UTP6: variants seen among roughly 807,000 people sequenced by gnomAD.
UTP6 encodes UTP6 small subunit processome component.
In UTP6, 60 loss-of-function variants were observed where a neutral mutation model predicts 96.5. The observed-to-expected ratio is 0.62, with a 90% CI of 0.51 to 0.77. UTP6 has a LOEUF of 0.77. UTP6 is among the 30% of genes least tolerant of loss of function. UTP6 has a pLI of 0.00. For synonymous variants in UTP6, 215 were observed against 240.1 expected (o/e 0.90, Z 0.96); for missense variants, 637 against 706.5 (o/e 0.90, Z 1.12).
intron 2 of UTP6, among the ~76,000 whole-genome samples, chr17:31,896,847 G>A (rs1224897373): frequency 6.6e-6 from 1 of 152,064 alleles, no homozygotes; most frequent in Non-Finnish European, 1.5e-5. Context: ...TGTTGCCTAG[G>A]CTGGTCTTGA....
intron 2 of UTP6, among the ~76,000 whole-genome samples, chr17:31,898,627 G>A (rs907237656): frequency 1.3e-5 from 2 of 152,128 alleles, no homozygotes; most frequent in South Asian, 2.1e-4. Context: ...GAACCCAGGA[G>A]GCGGAGGTTG....
chr17:31,878,584 G>T, intron 12 of UTP6, 118 bp downstream of exon 12: 1 of 999,198 alleles, frequency 1.0e-6, no homozygotes, highest in Non-Finnish European at 1.5e-6. Context: ...AGGAGAGAGA[G>T]AGTGGCTAAA....
At chr17:31,874,931 T>TAA (rs11341659) in intron 14 of UTP6, among the ~76,000 whole-genome samples, 1 of 133,958 alleles carries the variant, frequency 7.5e-6, no homozygotes, top group Non-Finnish European at 1.6e-5. Flanking sequence ...GACTCCATCT[T>TAA]AAAAAAAAAA....
At position 31,886,331 on chromosome 17, in the gene UTP6, C is replaced by T. The variant is rs145438664; in HGVS notation, c.622-270G>A. ...TTGGACCAAAACAGGTCAGATTTTA[C>T]ATGTCTTGTTTGCGCTTCTCTGTAA... On this transcript the variant is annotated intron_variant, in intron 8 of 18. Coordinates refer to ENST00000261708, the MANE Select transcript of UTP6 (RefSeq NM_018428.3). 1.4e-3 allele frequency among the ~76,000 whole-genome samples: 218 copies of T among 152,306 alleles called. 1 individual carries two copies. Among genetic ancestry groups the T allele is most frequent in the Middle Eastern group, 6.8e-3 (2 of 294 alleles).
At position 31,863,425 on chromosome 17, in the gene UTP6, C is replaced by T; in HGVS notation, c.1728G>A (p.Met576Ile). The change falls in exon 19 of 19, where the codon ATG becomes ATA. Residue 576 changes from methionine to isoleucine, a missense_variant. By Grantham distance (10) the Met-to-Ile change is conservative. Coordinates refer to ENST00000261708, the MANE Select transcript of UTP6 (RefSeq NM_018428.3). Reference protein sequence around the residue: ...CGQIYWRAMKMLQGESAEAFV... With the variant: ...CGQIYWRAMKILQGESAEAFV... ...ATGCCTCTGCTGACTCTCCCTGCAA[C>T]ATTTTCATCGCTCGCCAGTAGATCT... 1 of 1,614,120 alleles carries T rather than the reference C, an allele frequency of 6.2e-7. No homozygotes were observed. The highest frequency in any genetic ancestry group is 8.5e-7 in the Non-Finnish European group (1 of 1,180,020).
At chr17:31,890,192 C>T (rs940612296) in intron 6 of UTP6, among the ~76,000 whole-genome samples, 2 of 151,922 alleles carry the variant, frequency 1.3e-5, no homozygotes, top group Non-Finnish European at 2.9e-5. Flanking sequence ...GATGGGTTTT[C>T]ACCATGTTGC....
At chr17:31,867,439 CAG>C (rs1909889783) in intron 17 of UTP6, among the ~76,000 whole-genome samples, 1 of 147,488 alleles carries the variant, frequency 6.8e-6, no homozygotes, top group Non-Finnish European at 1.5e-5. Flanking sequence ...ACCCAGGATG[CAG>C]AGTTTGCAGT....
intron 11 of UTP6, 119 bp downstream of exon 11, chr17:31,880,454 C>G: frequency 8.1e-7 from 1 of 1,239,896 alleles, no homozygotes. Flanking sequence ...CCAGGCTCAT[C>G]GTAAACTATG....
chr17:31,893,848 T>C (rs1329922619), intron 4 of UTP6, among the ~76,000 whole-genome samples: 2 of 151,774 alleles, frequency 1.3e-5, no homozygotes, highest in African/African-American at 4.8e-5. Context: ...ATTCAACCTT[T>C]CCCCCAACTC....
chr17:31,896,080 T>C (rs1416636247), intron 2 of UTP6, among the ~76,000 whole-genome samples: 1 of 151,696 alleles, frequency 6.6e-6, no homozygotes, highest in Non-Finnish European at 1.5e-5. Flanking sequence ...GGTTTTTTTT[T>C]ATTGTTTGTT....
chr17:31,882,327 GT>G (rs573086102), intron 10 of UTP6, among the ~76,000 whole-genome samples: 49 of 135,632 alleles, frequency 3.6e-4, no homozygotes, highest in South Asian at 4.7e-4. Context: ...CACTGCATCT[GT>G]TTTTTTTTTT....
chr17:31,892,248 A>T lies in UTP6; in HGVS notation c.424+12T>A. 4 of 1,613,860 alleles carry T rather than the reference A, an allele frequency of 2.5e-6. No individual in the cohort carries two copies. The South Asian group carries it at 4.4e-5, about 18-fold the overall frequency. ...ATAAAACATAGAAAAATTGACAAAG[A>T]TTTCACCATACCTGGTTTGTTGGAA... On this transcript the variant is annotated intron_variant, in intron 6 of 18. Transcript: ENST00000261708.
chr17:31,899,723 T>C lies in UTP6; in HGVS notation c.100A>G (p.Ile34Val), dbSNP rs1437692905. The change falls in exon 2 of 19, where the codon ATT becomes GTT. Residue 34 changes from isoleucine to valine, a missense_variant. Coordinates refer to ENST00000261708, the MANE Select transcript of UTP6 (RefSeq NM_018428.3). ...LFSHAEIKAI[I>V]KKASDLEYKI... is the part of the protein sequence containing the mutation. ...TACTCTAGATCGGAAGCCTTCTTAA[T>C]GATAGCCCTGAGGAGAAAGCCATTT... 1.3e-6 allele frequency: 2 copies of C among 1,592,608 alleles called. No individual in the cohort carries two copies. The highest frequency in any genetic ancestry group is 4.5e-5 in the East Asian group (2 of 44,358).
intron 6 of UTP6, among the ~76,000 whole-genome samples, chr17:31,891,146 C>A (rs970633186): frequency 3.3e-5 from 5 of 152,066 alleles, no homozygotes; most frequent in African/African-American, 9.7e-5. Context: ...TTAAAAATGA[C>A]GCCTGATTGG....
chr17:31,892,821 GC>G (rs1904401995), intron 4 of UTP6, 27 bp from the exon 5 acceptor site: 1 of 1,613,546 alleles, frequency 6.2e-7, no homozygotes, highest in African/African-American at 1.3e-5. Context: ...GTAGTAAGCT[GC>G]CCAAATTTGA....
intron 10 of UTP6, among the ~76,000 whole-genome samples, chr17:31,881,267 CTTTTT>C (rs202102116): frequency 3.0e-5 from 4 of 132,888 alleles, no homozygotes; most frequent in African/African-American, 5.7e-5. Context: ...CACTTTTTCA[CTTTTT>C]TTTTTTTTTT....
chr17:31,872,658 AGAGC>A (rs1910246955), intron 16 of UTP6, among the ~76,000 whole-genome samples: 1 of 152,060 alleles, frequency 6.6e-6, no homozygotes, highest in African/African-American at 2.4e-5. Flanking sequence ...CCTAGGTGAC[AGAGC>A]GAGAACCTGT....
At chr17:31,885,560 C>A (rs1010444486) in intron 9 of UTP6, among the ~76,000 whole-genome samples, 1 of 151,746 alleles carries the variant, frequency 6.6e-6, no homozygotes, top group Admixed American at 6.6e-5. Context: ...GAGGCCAAGG[C>A]GGGCAGGTCA....
intron 2 of UTP6, 119 bp downstream of exon 2, chr17:31,899,527 A>G (rs969810117): frequency 1.8e-5 from 11 of 603,164 alleles, no homozygotes; most frequent in Non-Finnish European, 2.9e-5. Context: ...CAGAGGTTGC[A>G]GTGAGCAGAG....
Sources: allele counts gnomAD v4.1 joint callset (sites outside exome capture counted in the v4.1 genomes callset), GRCh38; gene constraint gnomAD v4.1.1; transcripts MANE v1.5; gene names NCBI Gene and HGNC (gene_info 2026-07-23, HGNC 2026-07-21).